The following EEA1 variants were observed in gnomAD, a reference collection of about 807,000 sequenced individuals.
EEA1 encodes early endosome antigen 1, 162kD.
Under a neutral mutation model 209.2 loss-of-function variants are expected in EEA1, and 111 were observed. The ratio of observed to expected loss-of-function variants is 0.53; its 90% CI spans 0.45 to 0.62. The LOEUF is 0.62. Ranked by LOEUF, EEA1 falls within the 20% of genes least tolerant of loss-of-function variation. EEA1 has a pLI of 0.00. For synonymous variants in EEA1, 536 were observed against 540.6 expected (o/e 0.99, Z 0.12); for missense variants, 1,343 against 1,530.8 (o/e 0.88, Z 2.05).
chr12:92,917,315 A>T (rs537815081), intron 1 of EEA1, among the ~76,000 whole-genome samples: 233 of 127,470 alleles, frequency 1.8e-3, no homozygotes, highest in African/African-American at 7.7e-3. Context: ...AGTTGAAATG[A>T]AGGAAAAAAT....
At chr12:92,793,793 T>C (rs968077230) in intron 21 of EEA1, among the ~76,000 whole-genome samples, 3 of 152,056 alleles carry the variant, frequency 2.0e-5, no homozygotes, top group Admixed American at 1.3e-4. Context: ...TTAAAGTTCA[T>C]ATGGAACCAA....
At chr12:92,894,814 A>G (rs758888645) in intron 1 of EEA1, among the ~76,000 whole-genome samples, 13 of 141,632 alleles carry the variant, frequency 9.2e-5, no homozygotes, top group Non-Finnish European at 2.1e-4. Flanking sequence ...ATAATTGATG[A>G]AGATATCTAT....
intron 21 of EEA1, among the ~76,000 whole-genome samples, chr12:92,796,544 T>C (rs1199663551): frequency 6.6e-6 from 1 of 152,020 alleles, no homozygotes; most frequent in Non-Finnish European, 1.5e-5. Flanking sequence ...TATCTACTTA[T>C]ATATATAACT....
chr12:92,903,462 G>C (rs550601761), intron 1 of EEA1, among the ~76,000 whole-genome samples: 64 of 151,808 alleles, frequency 4.2e-4, no homozygotes, highest in South Asian at 1.5e-3. Context: ...GCCAGGCGTG[G>C]TGGCACGTGC....
intron 21 of EEA1, among the ~76,000 whole-genome samples, chr12:92,794,048 C>T (rs930950347): frequency 1.3e-5 from 2 of 152,120 alleles, no homozygotes; most frequent in East Asian, 1.9e-4. Context: ...AAACAAACAA[C>T]CCCATCAAAA....
intron 22 of EEA1, among the ~76,000 whole-genome samples, chr12:92,785,927 A>G (rs1349038970): frequency 2.6e-5 from 4 of 152,216 alleles, no homozygotes. Flanking sequence ...GCTTTCAAGC[A>G]TAATAAAAAT....
intron 9 of EEA1, among the ~76,000 whole-genome samples, chr12:92,845,752 G>A (rs1877366695): frequency 6.6e-6 from 1 of 152,072 alleles, no homozygotes; most frequent in Non-Finnish European, 1.5e-5. Flanking sequence ...TCTGTTGTTT[G>A]ATTTCCACAA....
At chr12:92,840,041 T>C (rs1195238992) in intron 10 of EEA1, among the ~76,000 whole-genome samples, 1 of 152,216 alleles carries the variant, frequency 6.6e-6, no homozygotes, top group Non-Finnish European at 1.5e-5. Context: ...AGCATCTACT[T>C]TCAAGCTCAT....
At chr12:92,791,186 C>T (rs1007416657) in intron 21 of EEA1, among the ~76,000 whole-genome samples, 1 of 152,170 alleles carries the variant, frequency 6.6e-6, no homozygotes, top group Non-Finnish European at 1.5e-5. Flanking sequence ...ATTGTAAAGA[C>T]CATTGATGCT....
At chr12:92,899,427 T>C (rs991088555) in intron 1 of EEA1, among the ~76,000 whole-genome samples, 3 of 152,244 alleles carry the variant, frequency 2.0e-5, no homozygotes, top group African/African-American at 7.2e-5. Context: ...GCGTGGTCGC[T>C]GACCCTTCTT....
intron 13 of EEA1, among the ~76,000 whole-genome samples, chr12:92,822,053 T>C (rs1876078885): frequency 6.6e-6 from 1 of 151,488 alleles, no homozygotes; most frequent in South Asian, 2.1e-4. Context: ...GCTATGTATA[T>C]ATACCCCACT....
At chr12:92,798,229 T>G (rs1874740297) in intron 21 of EEA1, among the ~76,000 whole-genome samples, 1 of 152,190 alleles carries the variant, frequency 6.6e-6, no homozygotes. Context: ...GATATCCCAC[T>G]TTGTAATTTT....
chr12:92,849,049 TG>T (rs1877502748), intron 9 of EEA1, among the ~76,000 whole-genome samples: 1 of 152,160 alleles, frequency 6.6e-6, no homozygotes, highest in Non-Finnish European at 1.5e-5. Context: ...CAAGTAAACA[TG>T]TAAATTTATT....
At chr12:92,823,352 A>C (rs1377383019) in intron 13 of EEA1, among the ~76,000 whole-genome samples, 1 of 152,188 alleles carries the variant, frequency 6.6e-6, no homozygotes, top group Non-Finnish European at 1.5e-5. Flanking sequence ...TCTAACTTAC[A>C]CTTTAAGGTC....
At chr12:92,885,238 C>T (rs1020327296) in intron 2 of EEA1, among the ~76,000 whole-genome samples, 5 of 152,024 alleles carry the variant, frequency 3.3e-5, no homozygotes, top group East Asian at 1.9e-4. Flanking sequence ...GTCAACTACA[C>T]GCTATAAAAT....
intron 9 of EEA1, among the ~76,000 whole-genome samples, chr12:92,844,347 A>T (rs1030048058): frequency 6.6e-6 from 1 of 152,154 alleles, no homozygotes; most frequent in Non-Finnish European, 1.5e-5. Context: ...TTGGGAAAAC[A>T]TTCACTTAAA....
Position 92,816,265 on chromosome 12 carries a change from TA to T in EEA1, c.1863del (p.Ser622ValfsTer5), listed in dbSNP as rs1565820010. The stretch of plus-strand genomic sequence containing the variant: ...AATTGACTATTTAATTCATTGACAC[TA>T]GTTTCTAGGGAAAGGACACGGTCTT... ...AAQDRVLSLE[T>X]SVNELNSQLN... is the part of the protein sequence containing the mutation. On this transcript the variant is annotated frameshift_variant, in exon 15 of 29. Transcript: ENST00000322349. LOFTEE classifies it high-confidence loss of function. 6.2e-7 allele frequency: 1 copy of T among 1,614,010 alleles called. No individual in the cohort carries two copies. Among genetic ancestry groups the T allele is most frequent in the Non-Finnish European group, 8.5e-7 (1 of 1,179,888 alleles).
rs1467580371 is a variant in EEA1, at chr12:92,919,116, C to T, written c.24+9927G>A. ...GTGGCAATAATCAATAGCTTACCAA[C>T]CAAAAAGGGTCCAGGACCAGATGGA... On this transcript the variant is annotated intron_variant, in intron 1 of 28. Coordinates refer to ENST00000322349, the MANE Select transcript of EEA1 (RefSeq NM_003566.4). 2.9e-4 allele frequency among the ~76,000 whole-genome samples: 44 copies of T among 151,590 alleles called. No homozygotes were observed. In the East Asian group the frequency reaches 8.1e-3, roughly 28 times the overall value.
intron 21 of EEA1, among the ~76,000 whole-genome samples, chr12:92,789,406 T>G (rs1177101880): frequency 3.3e-5 from 5 of 152,042 alleles, no homozygotes; most frequent in African/African-American, 1.2e-4. Context: ...CAAACTTATG[T>G]CTCTAACTGC....
Sources: gnomAD v4.1 joint callset for allele counts (sites outside exome capture counted in the v4.1 genomes callset) on GRCh38, gnomAD v4.1.1 for gene constraint, MANE v1.5 for transcripts, NCBI Gene and HGNC (gene_info 2026-07-23, HGNC 2026-07-21) for gene names.